PCED1B: variants seen among roughly 807,000 people sequenced by gnomAD.
PCED1B encodes PC-esterase domain-containing protein 1B.
For synonymous variants in PCED1B, 251 were observed against 246.1 expected, an observed-to-expected ratio of 1.02 and a Z score of -0.19; for missense variants, 573 against 573.9, an observed-to-expected ratio of 1.00 and a Z score of 0.02.
At chr12:47,104,618 A>C (rs1268991452) in intron 2 of PCED1B, among the ~76,000 whole-genome samples, 1 of 152,176 alleles carries the variant, frequency 6.6e-6, no homozygotes, top group Admixed American at 6.5e-5. Flanking sequence ...TTAAGAGTAA[A>C]TTATGTTGTA....
At chr12:47,097,488 T>C (rs992202482) in intron 1 of PCED1B, among the ~76,000 whole-genome samples, 1 of 152,258 alleles carries the variant, frequency 6.6e-6, no homozygotes, top group African/African-American at 2.4e-5. Flanking sequence ...TTAGTCCTTC[T>C]GCTTAGTTTT....
At chr12:47,161,743 C>A (rs1022475269) in intron 2 of PCED1B, among the ~76,000 whole-genome samples, 6 of 152,314 alleles carry the variant, frequency 3.9e-5, no homozygotes, top group Admixed American at 2.0e-4. Context: ...TACCATTTGA[C>A]CCAGCCATCC....
chr12:47,120,777 G>C (rs1204619329), intron 2 of PCED1B, among the ~76,000 whole-genome samples: 1 of 152,084 alleles, frequency 6.6e-6, no homozygotes, highest in African/African-American at 2.4e-5. Flanking sequence ...CTTTCAGTCT[G>C]GGTGACAGAG....
At chr12:47,229,061 G>C (rs1943719258) in intron 3 of PCED1B, among the ~76,000 whole-genome samples, 1 of 151,780 alleles carries the variant, frequency 6.6e-6, no homozygotes, top group Admixed American at 6.6e-5. Context: ...TGATTAACCT[G>C]GTATTTTGAA....
chr12:47,146,998 C>CTTTTTTTTTTTTTT (rs59400736), intron 2 of PCED1B, among the ~76,000 whole-genome samples: 3 of 99,004 alleles, frequency 3.0e-5, no homozygotes, highest in East Asian at 3.2e-4. Flanking sequence ...GTTCATTGCT[C>CTTTTTTTTTTTTTT]TTTTTTTTTT....
chr12:47,128,391 C>T (rs927088765), intron 2 of PCED1B, among the ~76,000 whole-genome samples: 1 of 152,130 alleles, frequency 6.6e-6, no homozygotes, highest in Non-Finnish European at 1.5e-5. Flanking sequence ...ACTCTTCAGC[C>T]TCACTCTGGG....
chr12:47,125,558 C>T (rs1939853140), intron 2 of PCED1B, among the ~76,000 whole-genome samples: 1 of 152,128 alleles, frequency 6.6e-6, no homozygotes, highest in South Asian at 2.1e-4. Context: ...CTGCTGGGTA[C>T]ATGATTGAGA....
chr12:47,211,285 T>C (rs1163501329), intron 2 of PCED1B, among the ~76,000 whole-genome samples: 5 of 152,146 alleles, frequency 3.3e-5, no homozygotes, highest in Admixed American at 3.3e-4. Flanking sequence ...TCGATGGATG[T>C]TTATCTAATA....
chr12:47,226,098 T>C (rs1202433739), intron 3 of PCED1B, among the ~76,000 whole-genome samples: 1 of 152,220 alleles, frequency 6.6e-6, no homozygotes, highest in Non-Finnish European at 1.5e-5. Flanking sequence ...TATTAATACA[T>C]ATATCTGTGA....
intron 2 of PCED1B, among the ~76,000 whole-genome samples, chr12:47,133,958 A>C (rs1270947795): frequency 6.6e-6 from 1 of 152,182 alleles, no homozygotes; most frequent in Non-Finnish European, 1.5e-5. Flanking sequence ...GGCAGGTTGC[A>C]ACCTAGAAGA....
chr12:47,180,507 A>G (rs1431424691), intron 2 of PCED1B, among the ~76,000 whole-genome samples: 1 of 152,212 alleles, frequency 6.6e-6, no homozygotes, highest in Non-Finnish European at 1.5e-5. Flanking sequence ...AAAACCCAAA[A>G]CTATAAAAAC....
At chr12:47,177,507 G>A (rs1180356658) in intron 2 of PCED1B, among the ~76,000 whole-genome samples, 1 of 152,140 alleles carries the variant, frequency 6.6e-6, no homozygotes, top group Non-Finnish European at 1.5e-5. Context: ...CTTCGTGACT[G>A]ATTAGAGGAC....
chr12:47,151,909 T>G lies in PCED1B; in HGVS notation c.-526+47714T>G, dbSNP rs143587162. ...TTACAGACACACCGGAAGTAAGGCT[T>G]AATTGAATATCTGGGCACCCTGTGG... On this transcript the variant is annotated intron_variant, in intron 2 of 3. Transcript: ENST00000546455. Among the ~76,000 whole-genome samples the G allele has an allele frequency of 9.4e-4, 143 of 152,312 alleles. 1 individual carries two copies. In the East Asian group the frequency reaches 0.013, roughly 14 times the overall value.
intron 2 of PCED1B, among the ~76,000 whole-genome samples, chr12:47,109,314 T>C (rs1939090344): frequency 6.6e-6 from 1 of 152,076 alleles, no homozygotes. Flanking sequence ...GCTATATCAG[T>C]GATTCTCAAC....
At chr12:47,089,461 C>CATGTGTGTATATATATATATAT (rs1233280547) in intron 1 of PCED1B, among the ~76,000 whole-genome samples, 6 of 63,398 alleles carry the variant, frequency 9.5e-5, no homozygotes, top group Non-Finnish European at 1.7e-4. Context: ...AAAAAAAATA[C>CATGTGTGTATATATATATATAT]ATATATATAT....
At chr12:47,195,736 G>T (rs1398332811) in intron 2 of PCED1B, among the ~76,000 whole-genome samples, 1 of 152,210 alleles carries the variant, frequency 6.6e-6, no homozygotes, top group Non-Finnish European at 1.5e-5. Flanking sequence ...TCATACCTGA[G>T]TCTACCAGAG....
At chr12:47,097,649 C>T (rs1938534775) in intron 1 of PCED1B, among the ~76,000 whole-genome samples, 1 of 152,144 alleles carries the variant, frequency 6.6e-6, no homozygotes, top group Non-Finnish European at 1.5e-5. Context: ...GAAATCTAAA[C>T]TGTGGTTCAG....
chr12:47,089,461 C>CATGTAT (rs1233280547), intron 1 of PCED1B, among the ~76,000 whole-genome samples: 881 of 63,342 alleles, frequency 0.014, 66 homozygotes, highest in Non-Finnish European at 0.02. Flanking sequence ...AAAAAAAATA[C>CATGTAT]ATATATATAT....
chr12:47,163,280 G>T (rs1381360527), intron 2 of PCED1B, among the ~76,000 whole-genome samples: 3 of 152,090 alleles, frequency 2.0e-5, no homozygotes, highest in African/African-American at 7.2e-5. Context: ...CTGCTACTTT[G>T]CTGAATTTAT....
Sources: gnomAD v4.1 joint callset for allele counts (sites outside exome capture counted in the v4.1 genomes callset) on GRCh38, gnomAD v4.1.1 for gene constraint, MANE v1.5 for transcripts, NCBI Gene and HGNC (gene_info 2026-07-23, HGNC 2026-07-21) for gene names.